AZIN1: variants seen among roughly 807,000 people sequenced by gnomAD.
The protein encoded by AZIN1 is ornithine decarboxylase antizyme inhibitor.
Under a neutral mutation model 47.4 loss-of-function variants are expected in AZIN1, and 12 were observed. That is an observed-to-expected ratio of 0.25 (90% CI 0.16 to 0.41). AZIN1 has a LOEUF of 0.41. Among genes scored for constraint, AZIN1 ranks in the 10% least tolerant of loss-of-function variants. The pLI is 1.00. For synonymous variants in AZIN1, 155 were observed against 176.3 expected (o/e 0.88, Z 0.96); for missense variants, 410 against 532.4 (o/e 0.77, Z 2.26).
intron 1 of AZIN1, among the ~76,000 whole-genome samples, chr8:102,863,113 G>A (rs556510577): frequency 6.6e-6 from 1 of 152,342 alleles, no homozygotes; most frequent in East Asian, 1.9e-4. Flanking sequence ...CAGCCTCGAG[G>A]CTTCCAGAAG....
At chr8:102,833,567 A>T (rs1373007680) in intron 8 of AZIN1, among the ~76,000 whole-genome samples, 1 of 152,040 alleles carries the variant, frequency 6.6e-6, no homozygotes, top group Admixed American at 6.6e-5. Flanking sequence ...GAAGGAGGGC[A>T]GAGCAGGAAG....
chr8:102,847,368 AAC>A (rs1491087537), intron 2 of AZIN1, among the ~76,000 whole-genome samples: 1,834 of 129,042 alleles, frequency 0.014, 23 homozygotes, highest in African/African-American at 0.038. Context: ...AAAAAAAAAA[AAC>A]AATAAAGCTC....
intron 2 of AZIN1, among the ~76,000 whole-genome samples, chr8:102,845,430 A>C (rs1812508086): frequency 6.6e-6 from 1 of 152,226 alleles, no homozygotes; most frequent in Non-Finnish European, 1.5e-5. Context: ...TATTTTACCA[A>C]GTTAATTGAG....
At chr8:102,863,283 G>A (rs1456165137) in intron 1 of AZIN1, among the ~76,000 whole-genome samples, 2 of 151,532 alleles carry the variant, frequency 1.3e-5, no homozygotes, top group Admixed American at 6.6e-5. Flanking sequence ...CGCGGGGCCC[G>A]CCCCGCTCCA....
intron 6 of AZIN1, 45 bp from the exon 7 acceptor site, chr8:102,834,792 G>A (rs1302473483): frequency 1.5e-6 from 2 of 1,317,966 alleles, no homozygotes; most frequent in Middle Eastern, 1.8e-4. Context: ...GAAAGTTGTA[G>A]AGACACCTCC....
At chr8:102,831,053 T>C (rs936631130) in intron 9 of AZIN1, among the ~76,000 whole-genome samples, 2 of 152,128 alleles carry the variant, frequency 1.3e-5, no homozygotes, top group African/African-American at 4.8e-5. Context: ...AATATCACTC[T>C]CCACGAAAAC....
At chr8:102,846,608 T>G (rs1230925676) in intron 2 of AZIN1, among the ~76,000 whole-genome samples, 2 of 151,968 alleles carry the variant, frequency 1.3e-5, no homozygotes, top group Admixed American at 6.6e-5. Flanking sequence ...AAACCTTGCT[T>G]CCCCAGCACC....
intron 2 of AZIN1, among the ~76,000 whole-genome samples, chr8:102,850,983 A>T (rs1812882436): frequency 6.6e-6 from 1 of 152,232 alleles, no homozygotes; most frequent in African/African-American, 2.4e-5. Flanking sequence ...ATGAGAAAAC[A>T]AAATACACAA....
chr8:102,830,401 C>CAAAA (rs34437491), intron 9 of AZIN1, among the ~76,000 whole-genome samples: 1 of 90,580 alleles, frequency 1.1e-5, no homozygotes, highest in Non-Finnish European at 2.2e-5. Flanking sequence ...GACCCTGTCT[C>CAAAA]AAAAAAAAAA....
rs1018541477 is a variant in AZIN1, at chr8:102,864,072, G to C, written c.-499C>G. On this transcript the variant is annotated 5_prime_UTR_variant, in exon 1 of 12. Transcript: ENST00000337198. The stretch of plus-strand genomic sequence containing the variant: ...GGATTCGGACTCGTCACACTGCAGA[G>C]CAGCAGAGCGAGAAAGGATGAGAAG... The C allele has an allele frequency of 3.0e-5, 5 of 168,644 alleles. No individual in the cohort carries two copies. Among genetic ancestry groups the C allele is most frequent in the African/African-American group, 1.2e-4 (5 of 41,522 alleles). 10.4% of individuals were successfully genotyped at this position (168,644 alleles called of 1,614,324 possible). A position where few individuals can be genotyped will look rare whatever the true frequency, so the allele number is the denominator to read the frequency against.
intron 2 of AZIN1, among the ~76,000 whole-genome samples, chr8:102,854,301 C>T (rs955517203): frequency 1.3e-4 from 20 of 151,944 alleles, no homozygotes; most frequent in Admixed American, 2.6e-4. Context: ...CTAGCAAATT[C>T]GTAAAGAACA....
Position 102,843,692 on chromosome 8 carries a change from A to G in AZIN1, c.-40T>C, listed in dbSNP as rs751012257. 3.1e-6 allele frequency: 5 copies of G among 1,612,540 alleles called. No individual in the cohort carries two copies. In the East Asian group the frequency reaches 8.9e-5, roughly 29 times the overall value. ...ACAAAGCCGAAAGTCATAAACCAGG[A>G]AAGACAAGAGACGGGCCACCAAGCC... On this transcript the variant is annotated 5_prime_UTR_variant, in exon 3 of 12. Coordinates refer to ENST00000337198, the MANE Select transcript of AZIN1 (RefSeq NM_148174.4).
At chr8:102,833,294 C>A in intron 8 of AZIN1, 76 bp from the exon 9 acceptor site, 1 of 1,398,048 alleles carries the variant, frequency 7.2e-7, no homozygotes, top group Non-Finnish European at 9.7e-7. Context: ...TTGATATTAA[C>A]AAAATTTTCT....
chr8:102,864,135 C>G lies in AZIN1; in HGVS notation c.-562G>C, dbSNP rs1813957832. On this transcript the variant is annotated 5_prime_UTR_variant, in exon 1 of 12. Transcript: ENST00000337198. ...CGACGGCAGAAGAAAAAAGGAAAAA[C>G]TGCGGCCGCGATCAGAGCCTGAAAG... The G allele has an allele frequency of 5.8e-6, 1 of 171,690 alleles. No homozygotes were observed. The highest frequency in any genetic ancestry group is 1.2e-4 in the South Asian group (1 of 8,338). 10.6% of individuals were successfully genotyped at this position (171,690 alleles called of 1,614,324 possible).
At chr8:102,832,669 T>TCACTCTTGTCACCCAGGCTGGAGTCC (rs1188086064) in intron 9 of AZIN1, among the ~76,000 whole-genome samples, 10 of 151,712 alleles carry the variant, frequency 6.6e-5, no homozygotes, top group Non-Finnish European at 1.5e-4. Context: ...AGACGGAGTC[T>TCACTCTTGTCACCCAGGCTGGAGTCC]CACTCTTGTC....
intron 3 of AZIN1, among the ~76,000 whole-genome samples, chr8:102,840,437 G>A (rs556206598): frequency 2.6e-4 from 40 of 152,220 alleles, no homozygotes; most frequent in African/African-American, 9.4e-4. Context: ...CCAACTCCTG[G>A]AGCTCAAGCT....
At chr8:102,847,906 T>C (rs1010454883) in intron 2 of AZIN1, among the ~76,000 whole-genome samples, 2 of 152,228 alleles carry the variant, frequency 1.3e-5, no homozygotes, top group Non-Finnish European at 2.9e-5. Context: ...TTTCACATTC[T>C]TAAAAGAAGC....
chr8:102,841,928 C>T (rs1269587139), intron 3 of AZIN1, among the ~76,000 whole-genome samples: 3 of 151,180 alleles, frequency 2.0e-5, no homozygotes, highest in Admixed American at 6.6e-5. Flanking sequence ...CTGGTCAACA[C>T]GGTGAAACCC....
intron 1 of AZIN1, among the ~76,000 whole-genome samples, chr8:102,859,437 G>A (rs2131287871): frequency 6.6e-6 from 1 of 152,332 alleles, no homozygotes; most frequent in Middle Eastern, 3.4e-3. Context: ...CAAGAGCAAT[G>A]ATGTGAAACA....
Sources: allele counts gnomAD v4.1 joint callset (sites outside exome capture counted in the v4.1 genomes callset), GRCh38; gene constraint gnomAD v4.1.1; transcripts MANE v1.5; gene names NCBI Gene and HGNC (gene_info 2026-07-23, HGNC 2026-07-21).